The following PLSCR2 variants were observed in gnomAD, a reference collection of about 807,000 sequenced individuals.
PLSCR2 encodes phospholipid scramblase 2.
In PLSCR2, 18 loss-of-function variants were observed where a neutral mutation model predicts 25.3. That is an observed-to-expected ratio of 0.71 (90% CI 0.49 to 1.06). The LOEUF (loss-of-function observed/expected upper bound fraction) is 1.06. Ranked by LOEUF, PLSCR2 falls within the 50% of genes least tolerant of loss-of-function variation. PLSCR2 has a pLI of 0.00. For missense variants in PLSCR2, 243 were observed against 269.5 expected (o/e 0.90, Z 0.69); for synonymous variants, 88 against 87.3 (o/e 1.01, Z -0.04).
At chr3:146,425,520 G>A (rs2039312252) in intron 2 of PLSCR2, among the ~76,000 whole-genome samples, 1 of 152,190 alleles carries the variant, frequency 6.6e-6, no homozygotes, top group Non-Finnish European at 1.5e-5. Flanking sequence ...GGTGGCAACT[G>A]TATCTGGAAG....
At chr3:146,445,103 A>G (rs2040470583) in intron 6 of PLSCR2, among the ~76,000 whole-genome samples, 1 of 152,210 alleles carries the variant, frequency 6.6e-6, no homozygotes, top group Middle Eastern at 3.4e-3. Context: ...TTCTATTTAT[A>G]TGTTATTATA....
intron 5 of PLSCR2, among the ~76,000 whole-genome samples, chr3:146,450,332 G>A (rs1438891852): frequency 1.3e-5 from 2 of 152,210 alleles, no homozygotes. Context: ...TAAATGTAGG[G>A]AAACTGAAAA....
intron 2 of PLSCR2, among the ~76,000 whole-genome samples, chr3:146,412,207 C>T (rs1212494218): frequency 6.6e-6 from 1 of 152,134 alleles, no homozygotes. Flanking sequence ...ATGCTTGCAC[C>T]TTTCTCAGGC....
At chr3:146,441,656 C>T, downstream of PLSCR2, 2 of 608,406 alleles carry the variant, frequency 3.3e-6, no homozygotes, top group Non-Finnish European at 5.8e-6. Flanking sequence ...GCTTAACTCA[C>T]ACAGGTGTAA....
chr3:146,473,154 T>G (rs2042171666), intron 1 of PLSCR2, among the ~76,000 whole-genome samples: 1 of 151,974 alleles, frequency 6.6e-6, no homozygotes, highest in African/African-American at 2.4e-5. Context: ...CCACATCTGC[T>G]TTTTTTCATA....
intron 2 of PLSCR2, among the ~76,000 whole-genome samples, chr3:146,426,568 G>C (rs553036640): frequency 6.6e-6 from 1 of 152,076 alleles, no homozygotes; most frequent in South Asian, 2.1e-4. Context: ...TTTTCTAATT[G>C]TGAGGGTACA....
chr3:146,458,797 C>T (rs2041377105), intron 2 of PLSCR2, among the ~76,000 whole-genome samples: 1 of 151,874 alleles, frequency 6.6e-6, no homozygotes, highest in Non-Finnish European at 1.5e-5. Flanking sequence ...TACTGTAAGT[C>T]TCAGTTATTC....
chr3:146,483,637 C>T (rs909090782), intron 1 of PLSCR2, among the ~76,000 whole-genome samples: 2 of 150,622 alleles, frequency 1.3e-5, no homozygotes, highest in African/African-American at 4.9e-5. Context: ...GAGGGAGGAA[C>T]CCAGGTGAAT....
At chr3:146,412,952 C>T (rs1312653624) in intron 2 of PLSCR2, among the ~76,000 whole-genome samples, 1 of 152,100 alleles carries the variant, frequency 6.6e-6, no homozygotes, top group East Asian at 1.9e-4. Flanking sequence ...TTAGAACTGG[C>T]AGGAAAGTTG....
At chr3:146,429,576 A>C (rs2108115223), downstream of PLSCR2, among the ~76,000 whole-genome samples, 1 of 152,296 alleles carries the variant, frequency 6.6e-6, no homozygotes, top group African/African-American at 2.4e-5. Flanking sequence ...GCTGCTTCTA[A>C]CAGCCTACAC....
At chr3:146,462,666 C>A (rs1159152699), upstream of PLSCR2, among the ~76,000 whole-genome samples, 2 of 151,148 alleles carry the variant, frequency 1.3e-5, no homozygotes, top group African/African-American at 4.9e-5. Flanking sequence ...GGGGTTTCAC[C>A]ATGTTGGCCA....
At position 146,434,409 on chromosome 3, in the gene PLSCR2, A is replaced by G. The variant is rs187348072; in HGVS notation, c.*35-892T>C. 3.9e-5 allele frequency among the ~76,000 whole-genome samples: 6 copies of G among 152,286 alleles called. No individual in the cohort carries two copies. In the East Asian group the frequency reaches 1.2e-3, roughly 29 times the overall value. ...ATTTATTCATGAAAGCTTACTTGGA[A>G]TCGTACAAAATTTCAAGGAAAATGA... is the stretch of plus-strand genomic sequence containing the variant. On this transcript the variant is annotated intron_variant, in intron 8 of 8. Transcript: ENST00000336685.
At chr3:146,462,257 T>C (rs951482372), upstream of PLSCR2, among the ~76,000 whole-genome samples, 2 of 151,748 alleles carry the variant, frequency 1.3e-5, no homozygotes, top group East Asian at 1.9e-4. Flanking sequence ...CACAGTAGAA[T>C]TGATTATTAT....
intron 3 of PLSCR2, among the ~76,000 whole-genome samples, chr3:146,456,743 T>A (rs550872526): frequency 1.3e-5 from 2 of 152,254 alleles, no homozygotes; most frequent in African/African-American, 2.4e-5. Context: ...TGAGTAATCA[T>A]CTTTTTATAT....
chr3:146,460,778 G>A (rs543347635), upstream of PLSCR2, among the ~76,000 whole-genome samples: 4 of 152,296 alleles, frequency 2.6e-5, no homozygotes, highest in East Asian at 7.7e-4. Flanking sequence ...TAATATAGAT[G>A]TAAAATCATG....
In PLSCR2 at chr3:146,445,533, TTTATG is replaced by T. The variant is rs576595732; in HGVS notation, c.645+3668_645+3672del. Among the ~76,000 whole-genome samples the T allele has an allele frequency of 5.9e-5, 9 of 152,256 alleles. No homozygotes were observed. The East Asian group carries it at 1.7e-3, about 29-fold the overall frequency. On this transcript the variant is annotated intron_variant, in intron 6 of 6. Transcript: ENST00000610787. The stretch of plus-strand genomic sequence containing the variant: ...GCTGCCAGATGTATTGGATCTTGCT[TTTATG>T]TTATTTTTTTTTCTCTTGCTGCTTT...
At chr3:146,440,917 A>G (rs994331009), downstream of PLSCR2, among the ~76,000 whole-genome samples, 1 of 152,188 alleles carries the variant, frequency 6.6e-6, no homozygotes, top group African/African-American at 2.4e-5. Context: ...TTTACACCTG[A>G]TTAATCTTGT....
intron 1 of PLSCR2, among the ~76,000 whole-genome samples, chr3:146,493,738 C>T (rs11716444): frequency 0.33 from 47,332 of 142,338 alleles, 7,645 homozygotes; most frequent in South Asian, 0.43. Context: ...GGGAGTCCAA[C>T]AAATTTCTTT....
At chr3:146,479,652 C>T (rs550105469) in intron 1 of PLSCR2, among the ~76,000 whole-genome samples, 7 of 152,232 alleles carry the variant, frequency 4.6e-5, no homozygotes, top group African/African-American at 1.7e-4. Context: ...CTTCAACACT[C>T]CACTATCAAT....
Sources: gnomAD v4.1 joint callset for allele counts (sites outside exome capture counted in the v4.1 genomes callset) on GRCh38, gnomAD v4.1.1 for gene constraint, MANE v1.5 for transcripts, NCBI Gene and HGNC (gene_info 2026-07-23, HGNC 2026-07-21) for gene names.